LYPLAL1: variants seen among roughly 807,000 people sequenced by gnomAD.
LYPLAL1 encodes the protein lysophospholipase like 1.
Under a neutral mutation model 19.7 loss-of-function variants are expected in LYPLAL1, and 23 were observed. The observed-to-expected ratio is 1.17, with a 90% CI of 0.84 to 1.65. LYPLAL1 has a LOEUF of 1.65. Ranked by LOEUF, LYPLAL1 falls within the 40% of genes most tolerant of loss-of-function variation. The pLI is 0.00. For synonymous variants in LYPLAL1, 119 were observed against 96.3 expected (o/e 1.24, Z -1.38); for missense variants, 355 against 279.4 (o/e 1.27, Z -1.93).
the LYPLAL1 span, among the ~76,000 whole-genome samples, chr1:219,350,585 A>G: frequency 1.9e-3 from 297 of 152,354 alleles, 1 homozygote; most frequent in Middle Eastern, 0.02. Flanking sequence ...AGCAAAGTGT[A>G]GAGCTGAGCA....
chr1:219,256,979 A>G, the LYPLAL1 span, among the ~76,000 whole-genome samples: 1 of 152,046 alleles, frequency 6.6e-6, no homozygotes, highest in African/African-American at 2.4e-5. Flanking sequence ...ATGACCTAGT[A>G]TATTGTAAAT....
At chr1:219,363,576 A>G in the LYPLAL1 span, among the ~76,000 whole-genome samples, 1 of 152,182 alleles carries the variant, frequency 6.6e-6, no homozygotes, top group Non-Finnish European at 1.5e-5. Flanking sequence ...AAACCTGATC[A>G]TGTTATTTTT....
At chr1:219,186,025 A>C (rs1489399214) in intron 2 of LYPLAL1, among the ~76,000 whole-genome samples, 1 of 151,892 alleles carries the variant, frequency 6.6e-6, no homozygotes, top group East Asian at 1.9e-4. Flanking sequence ...TTTTCTGGCC[A>C]GTTATGGAAA....
At chr1:219,231,242 G>T in the LYPLAL1 span, among the ~76,000 whole-genome samples, 1 of 152,174 alleles carries the variant, frequency 6.6e-6, no homozygotes, top group Admixed American at 6.5e-5. Context: ...CAGATGACAA[G>T]AATGTAGAAA....
intron 3 of LYPLAL1, chr1:219,193,625 A>G (rs2125067273): frequency 6.4e-6 from 1 of 156,318 alleles, no homozygotes; most frequent in Non-Finnish European, 1.4e-5. Flanking sequence ...GTCAAAATAT[A>G]CCACTACATT....
At chr1:219,422,586 C>T in the LYPLAL1 span, among the ~76,000 whole-genome samples, 2 of 152,104 alleles carry the variant, frequency 1.3e-5, no homozygotes, top group African/African-American at 2.4e-5. Flanking sequence ...GTGAAAATAG[C>T]TTGAGCCCAA....
chr1:219,217,551 T>A (rs529829569), downstream of LYPLAL1, among the ~76,000 whole-genome samples: 19 of 152,254 alleles, frequency 1.2e-4, no homozygotes, highest in South Asian at 3.7e-3. Flanking sequence ...TCATTCTAAA[T>A]CATGCAAGGT....
the LYPLAL1 span, among the ~76,000 whole-genome samples, chr1:219,310,870 C>T: frequency 6.6e-6 from 1 of 152,238 alleles, no homozygotes; most frequent in Non-Finnish European, 1.5e-5. Flanking sequence ...GAAAATTTAA[C>T]TCTTAGTAGC....
At chr1:219,273,523 A>G in the LYPLAL1 span, 1 of 152,242 alleles carries the variant, frequency 6.6e-6, no homozygotes, top group Non-Finnish European at 1.5e-5. Context: ...CAGGTGTGAT[A>G]GAATTAAATG....
chr1:219,407,953 A>G, the LYPLAL1 span, among the ~76,000 whole-genome samples: 3 of 152,296 alleles, frequency 2.0e-5, no homozygotes, highest in South Asian at 6.2e-4. Context: ...ACACTAATCC[A>G]TTCATGAAGA....
intron 3 of LYPLAL1, chr1:219,199,862 A>T (rs1046576907): frequency 2.8e-5 from 6 of 216,530 alleles, no homozygotes; most frequent in African/African-American, 1.4e-4. Flanking sequence ...AGTGTCCAAG[A>T]AATTAAATTT....
the LYPLAL1 span, among the ~76,000 whole-genome samples, chr1:219,240,460 G>A: frequency 6.6e-6 from 1 of 152,010 alleles, no homozygotes; most frequent in Admixed American, 6.6e-5. Context: ...TGGTCCACAC[G>A]CTTAAACTGG....
chr1:219,320,046 A>G, the LYPLAL1 span, among the ~76,000 whole-genome samples: 1 of 152,250 alleles, frequency 6.6e-6, no homozygotes, highest in African/African-American at 2.4e-5. Flanking sequence ...AATAGCACAG[A>G]TAACACACAA....
the LYPLAL1 span, among the ~76,000 whole-genome samples, chr1:219,434,582 C>T: frequency 6.6e-6 from 1 of 152,206 alleles, no homozygotes; most frequent in Non-Finnish European, 1.5e-5. Flanking sequence ...CTTACTGAAG[C>T]TTCCTGGCCC....
chr1:219,230,379 G>C, the LYPLAL1 span, among the ~76,000 whole-genome samples: 2 of 152,132 alleles, frequency 1.3e-5, no homozygotes, highest in Admixed American at 6.5e-5. Flanking sequence ...CCAAAGTTCT[G>C]GGATTACAGG....
chr1:219,230,012 C>G, the LYPLAL1 span, among the ~76,000 whole-genome samples: 1 of 152,164 alleles, frequency 6.6e-6, no homozygotes, highest in Non-Finnish European at 1.5e-5. Flanking sequence ...GCCTTTTAGT[C>G]ACGTAAATAA....
At chr1:219,422,781 ACAG>A in the LYPLAL1 span, among the ~76,000 whole-genome samples, 1 of 152,200 alleles carries the variant, frequency 6.6e-6, no homozygotes, top group African/African-American at 2.4e-5. Flanking sequence ...GTGTGAAAAG[ACAG>A]CAGAAACTTG....
At chr1:219,279,655 A>C in the LYPLAL1 span, among the ~76,000 whole-genome samples, 1 of 152,316 alleles carries the variant, frequency 6.6e-6, no homozygotes. Flanking sequence ...TGTTCAGATA[A>C]TGGTTCCAAG....
the LYPLAL1 span, chr1:219,409,456 A>ACACACACACACACACACACACACACACG: frequency 1.4e-5 from 2 of 139,328 alleles, no homozygotes; most frequent in African/African-American, 5.7e-5. Context: ...ACACACACAC[A>ACACACACACACACACACACACACACACG]CACACACACA....
Sources: allele counts gnomAD v4.1 joint callset (sites outside exome capture counted in the v4.1 genomes callset), GRCh38; gene constraint gnomAD v4.1.1; transcripts MANE v1.5; gene names NCBI Gene and HGNC (gene_info 2026-07-23, HGNC 2026-07-21).